TRPV3: variants seen among roughly 807,000 people sequenced by gnomAD.
The protein encoded by TRPV3 is VRL-3.
In TRPV3, 88 loss-of-function variants were observed where a neutral mutation model predicts 87.1. The ratio of observed to expected loss-of-function variants is 1.01; its 90% CI spans 0.85 to 1.21. The LOEUF is 1.21. TRPV3 is among the 50% of genes most tolerant of loss of function. TRPV3 has a pLI of 0.00. For missense variants in TRPV3, 1,054 were observed against 1,030.1 expected (o/e 1.02, Z -0.32); for synonymous variants, 438 against 423.3 (o/e 1.03, Z -0.43).
intron 13 of TRPV3, among the ~76,000 whole-genome samples, chr17:3,523,052 A>T (rs1489967850): frequency 6.6e-6 from 1 of 152,134 alleles, no homozygotes; most frequent in Non-Finnish European, 1.5e-5. Context: ...ACATCATGAA[A>T]ATTGGTAAAT....
Position 3,514,755 on chromosome 17 carries a change from G to A in TRPV3, c.2199-83C>T, listed in dbSNP as rs533440739. On this transcript the variant is annotated intron_variant, in intron 16 of 17. Coordinates refer to ENST00000576742, the MANE Select transcript of TRPV3 (RefSeq NM_145068.4). ...ATAGCCCTGCGTTTGGGACGTCCTG[G>A]TGTCTACACAGCTCCCCTTCTGTCT... The A allele has an allele frequency of 1.1e-4, 114 of 1,039,864 alleles. 1 individual carries two copies. The East Asian group carries it at 2.6e-3, about 24-fold the overall frequency. 64.4% of individuals were successfully genotyped at this position (1,039,864 alleles called of 1,614,324 possible).
intron 6 of TRPV3, among the ~76,000 whole-genome samples, chr17:3,538,831 T>C (rs2074431899): frequency 3.3e-5 from 5 of 152,234 alleles, no homozygotes; most frequent in Admixed American, 3.3e-4. Context: ...GTGATCCACC[T>C]GCCTTGGCCT....
rs1394027548 is a variant in TRPV3 at position 3,556,312 on chromosome 17, T to A, written c.-3+1364A>T. 1.4e-5 allele frequency among the ~76,000 whole-genome samples: 1 copy of A among 73,654 alleles called. No individual in the cohort carries two copies. Among genetic ancestry groups the A allele is most frequent in the African/African-American group, 5.4e-5 (1 of 18,654 alleles). 48.3% of individuals were successfully genotyped at this position (73,654 alleles called of 152,430 possible). ...GGAGAGCGCGGGCTGCGTTGGGGGG[T>A]GGGGGAGACCAGAAGCCAGGGGCCA... On this transcript the variant is annotated intron_variant, in intron 1 of 17. Coordinates refer to ENST00000576742, the MANE Select transcript of TRPV3 (RefSeq NM_145068.4). The surrounding 1 kb of genome is among the most constrained non-coding windows in gnomAD (Gnocchi z 4.2).
In TRPV3 at chr17:3,519,850, CTGGA is replaced by C. The variant is rs61346728; in HGVS notation, c.1811-1004_1811-1001del. On this transcript the variant is annotated intron_variant, in intron 14 of 17. Transcript: ENST00000576742. The stretch of plus-strand genomic sequence containing the variant: ...ATTAAATGGATGAATGGATGGATGA[CTGGA>C]TGGATGGATGGATGGATGGATGGAT... 3.6e-3 allele frequency among the ~76,000 whole-genome samples: 388 copies of C among 107,754 alleles called. 1 individual carries two copies. The highest frequency in any genetic ancestry group is 0.012 in the African/African-American group (303 of 25,722). The allele number at this position is 107,754 out of a possible 152,430, so 70.7% of individuals were successfully genotyped here.
rs1232562532 is a variant in TRPV3 at position 3,526,923 on chromosome 17, A to G, written c.1508T>C (p.Ile503Thr). 1 of 1,611,082 alleles carries G rather than the reference A, an allele frequency of 6.2e-7. No individual in the cohort carries two copies. The highest frequency in any genetic ancestry group is 2.2e-5 in the East Asian group (1 of 44,842). ...CGAGGGTCTCAGCAGGAAGATGGCA[A>G]TGCCCTAAGGCCAGGAAGGAAAGAA... ...WAMCISVKEG[I>T]AIFLLRPSDL... Residue 503 changes from isoleucine to threonine, a missense_variant, in exon 12 of 18, where the codon ATT becomes ACT. Coordinates refer to ENST00000576742, the MANE Select transcript of TRPV3 (RefSeq NM_145068.4).
At chr17:3,514,748 C>G in intron 16 of TRPV3, 76 bp from the exon 17 acceptor site, 1 of 1,166,060 alleles carries the variant, frequency 8.6e-7, no homozygotes, top group East Asian at 2.4e-5. Context: ...GCGTTTGGGA[C>G]GTCCTGGTGT....
Position 3,556,406 on chromosome 17 carries a change from G to A in TRPV3, c.-3+1270C>T, listed in dbSNP as rs1444626507. ...AGCTGGCCACAGAGGGATGACATGG[G>A]CGGGGAAAGGGCTGTGTGGACAGGT... On this transcript the variant is annotated intron_variant, in intron 1 of 17. Transcript: ENST00000576742. The surrounding 1 kb of genome is among the most constrained non-coding windows in gnomAD (Gnocchi z 4.2). Among the ~76,000 whole-genome samples, 2 of 151,868 alleles carry A rather than the reference G, an allele frequency of 1.3e-5. No individual in the cohort carries two copies. Among genetic ancestry groups the A allele is most frequent in the Non-Finnish European group, 2.9e-5 (2 of 67,954 alleles).
intron 12 of TRPV3, among the ~76,000 whole-genome samples, chr17:3,526,008 C>T (rs560410613): frequency 1.7e-4 from 26 of 152,182 alleles, no homozygotes; most frequent in African/African-American, 4.3e-4. Flanking sequence ...GCATAACATC[C>T]ATTATGCAGA....
chr17:3,524,243 C>T lies in TRPV3; in HGVS notation c.1698G>A (p.Thr566=), dbSNP rs113716355. ...ACATGCCCATGGACTGGAAACCCCG[C>T]GTATAGTAGAGCATGTTCGCCCAGC... The part of the protein sequence containing the change: ...ALGWANMLYY[T]RGFQSMGMYS... Residue 566 remains threonine (T), a synonymous_variant, in exon 13 of 18, where the codon ACG becomes ACA. Transcript: ENST00000576742. 933 of 1,614,210 alleles carry T rather than the reference C, an allele frequency of 5.8e-4. 1 individual carries two copies. Among genetic ancestry groups the T allele is most frequent in the African/African-American group, 3.2e-3 (242 of 75,052 alleles).
chr17:3,547,875 G>T (rs898527783), intron 2 of TRPV3, among the ~76,000 whole-genome samples: 35 of 152,204 alleles, frequency 2.3e-4, no homozygotes, highest in Non-Finnish European at 5.9e-5. Context: ...GTGACTCCCA[G>T]CCAGACACAC....
At chr17:3,532,470 G>A (rs1321169378) in intron 8 of TRPV3, among the ~76,000 whole-genome samples, 187 bp downstream of exon 8, 2 of 152,250 alleles carry the variant, frequency 1.3e-5, no homozygotes, top group Admixed American at 6.5e-5. Flanking sequence ...CACCAGCTCC[G>A]CGTGGCCCCT....
intron 2 of TRPV3, among the ~76,000 whole-genome samples, chr17:3,546,319 G>C (rs1359303336): frequency 6.6e-6 from 1 of 152,034 alleles, no homozygotes; most frequent in Non-Finnish European, 1.5e-5. Flanking sequence ...GTGCATGCCT[G>C]TAGTCCCAGC....
rs2074336053 is a variant in TRPV3 at position 3,530,150 on chromosome 17, C to T, written c.1119G>A (p.Leu373=). The stretch of plus-strand genomic sequence containing the variant: ...ACGCCCAGTCGGTGAACTTCCTGGA[C>T]AGGCTCCGGAGCCGCTTCTCCTTGA... ...REIKEKRLRS[L]SRKFTDWAYG... is the part of the protein sequence containing the mutation. The change falls in exon 9 of 18, where the codon CTG becomes CTA. Residue 373 remains leucine (L), a synonymous_variant. Coordinates refer to ENST00000576742, the MANE Select transcript of TRPV3 (RefSeq NM_145068.4). The surrounding 1 kb of genome is among the most constrained non-coding windows in gnomAD (Gnocchi z 4.0). The T allele has an allele frequency of 6.2e-7, 1 of 1,613,982 alleles. No homozygotes were observed. Among genetic ancestry groups the T allele is most frequent in the African/African-American group, 1.3e-5 (1 of 74,936 alleles).
At chr17:3,525,449 G>A (rs2074291029) in intron 12 of TRPV3, among the ~76,000 whole-genome samples, 1 of 152,144 alleles carries the variant, frequency 6.6e-6, no homozygotes, top group Non-Finnish European at 1.5e-5. Flanking sequence ...GCCGGGAAAG[G>A]AGAGGAATAG....
intron 2 of TRPV3, among the ~76,000 whole-genome samples, chr17:3,550,935 G>C (rs146818214): frequency 3.9e-5 from 6 of 152,318 alleles, no homozygotes; most frequent in South Asian, 2.1e-4. Context: ...GGGACTCCAT[G>C]CTCAGTGATC....
chr17:3,546,697 G>A, intron 2 of TRPV3: 1 of 455,444 alleles, frequency 2.2e-6, no homozygotes, highest in Non-Finnish European at 4.4e-6. Flanking sequence ...GCTGGGCTAG[G>A]CCAGGTGTGG....
At chr17:3,539,695 A>G (rs879839580) in intron 6 of TRPV3, 7 of 151,936 alleles carry the variant, frequency 4.6e-5, no homozygotes, top group Admixed American at 6.6e-5. Flanking sequence ...AATAAAAAGA[A>G]ACTGTTATAT....
chr17:3,524,404 T>C, intron 12 of TRPV3, 41 bp from the exon 13 acceptor site: 1 of 1,609,482 alleles, frequency 6.2e-7, no homozygotes, highest in Non-Finnish European at 8.5e-7. Flanking sequence ...TACTTACTTC[T>C]CAGCATCAGG....
At chr17:3,519,602 C>CTGGATGGATGGA (rs60629683) in intron 14 of TRPV3, among the ~76,000 whole-genome samples, 25 of 93,690 alleles carry the variant, frequency 2.7e-4, no homozygotes, top group African/African-American at 1.0e-3. Flanking sequence ...GGATGGATGA[C>CTGGATGGATGGA]TGGATGGATG....
Sources: allele counts gnomAD v4.1 joint callset (sites outside exome capture counted in the v4.1 genomes callset), GRCh38; gene constraint gnomAD v4.1.1; non-coding constraint Gnocchi (gnomAD v3.1); transcripts MANE v1.5; gene names NCBI Gene and HGNC (gene_info 2026-07-23, HGNC 2026-07-21).